The following PEX5L variants were observed in gnomAD, a reference collection of about 807,000 sequenced individuals.
PEX5L encodes peroxisomal biogenesis factor 5 like.
A neutral mutation model predicts 84.0 loss-of-function variants in PEX5L; 30 were observed. That is an observed-to-expected ratio of 0.36 (90% CI 0.27 to 0.48). The LOEUF (loss-of-function observed/expected upper bound fraction) is 0.48, where lower values mean the gene tolerates loss of function less well. Ranked by LOEUF, PEX5L falls within the 20% of genes least tolerant of loss-of-function variation. The pLI, the probability that PEX5L is intolerant of heterozygous loss-of-function variation, is 0.99. For synonymous variants in PEX5L, 270 were observed against 283.1 expected (o/e 0.95, Z 0.46); for missense variants, 533 against 754.6 (o/e 0.71, Z 3.44).
chr3:179,969,993 A>G (rs1311051996), intron 2 of PEX5L, among the ~76,000 whole-genome samples: 1 of 152,148 alleles, frequency 6.6e-6, no homozygotes, highest in Non-Finnish European at 1.5e-5. Flanking sequence ...TGAGAAAAAA[A>G]GAACAATGGC....
rs115721724 is a variant in PEX5L, at chr3:179,853,732, G to T, written c.822+5330C>A. Among the ~76,000 whole-genome samples the T allele has an allele frequency of 1.6e-3, 249 of 151,790 alleles. 1 individual carries two copies. Among genetic ancestry groups the T allele is most frequent in the African/African-American group, 5.6e-3 (233 of 41,284 alleles). ...TTGTCCTAAAATTACAATACTTTAG[G>T]TAGAGACAATTTTTCTTTTCTCTTC... On this transcript the variant is annotated intron_variant, in intron 8 of 14. Transcript: ENST00000467460.
chr3:179,944,011 A>G (rs965832327), intron 2 of PEX5L, among the ~76,000 whole-genome samples: 2 of 144,402 alleles, frequency 1.4e-5, no homozygotes, highest in Non-Finnish European at 3.0e-5. Context: ...CCCCCCCCCA[A>G]AAAACTGAAA....
chr3:179,917,173 C>T (rs966798542), intron 2 of PEX5L, among the ~76,000 whole-genome samples: 1 of 152,006 alleles, frequency 6.6e-6, no homozygotes, highest in African/African-American at 2.4e-5. Context: ...TAGGCCTACA[C>T]AGGGTCAGGA....
intron 2 of PEX5L, among the ~76,000 whole-genome samples, chr3:179,918,142 A>G (rs1177699987): frequency 6.6e-6 from 1 of 152,144 alleles, no homozygotes; most frequent in African/African-American, 2.4e-5. Flanking sequence ...GCTTTTAACT[A>G]CTATGTTTTA....
intron 2 of PEX5L, among the ~76,000 whole-genome samples, chr3:179,917,214 T>A (rs943656331): frequency 5.3e-5 from 8 of 152,106 alleles, no homozygotes; most frequent in Admixed American, 5.2e-4. Flanking sequence ...CACCTCCACA[T>A]CTTGTCCCAC....
At chr3:180,009,340 A>G (rs1789212026) in intron 1 of PEX5L, among the ~76,000 whole-genome samples, 1 of 152,184 alleles carries the variant, frequency 6.6e-6, no homozygotes, top group African/African-American at 2.4e-5. Context: ...AGAGTAATTA[A>G]TTACTTTATC....
chr3:180,019,789 A>G (rs1409983709), intron 1 of PEX5L, among the ~76,000 whole-genome samples: 1 of 152,218 alleles, frequency 6.6e-6, no homozygotes, highest in East Asian at 1.9e-4. Context: ...AGAATTTTAA[A>G]TGATGGGAAG....
chr3:179,849,067 G>A (rs888556003), intron 8 of PEX5L, among the ~76,000 whole-genome samples: 4 of 152,174 alleles, frequency 2.6e-5, no homozygotes, highest in African/African-American at 4.8e-5. Flanking sequence ...TATTGCACAC[G>A]AAAGAAATAA....
In PEX5L at chr3:179,840,183, G is replaced by GTTTTT. The variant is rs71182521; in HGVS notation, c.822+18874_822+18878dup. Reference sequence around the variant, plus strand: ...TTTTTGTGTGTGTGTGTGTGTGTGTGTTTTTTTTTTTTTTTTTTTTTTGAG... The same window carrying GTTTTT: ...TTTTTGTGTGTGTGTGTGTGTGTGTGTTTTTTTTTTTTTTTTTTTTTTTTTTTGAG... On this transcript the variant is annotated intron_variant, in intron 8 of 14. Transcript: ENST00000467460. Among the ~76,000 whole-genome samples the GTTTTT allele has an allele frequency of 9.3e-4, 73 of 78,718 alleles. 1 individual carries two copies. Among genetic ancestry groups the GTTTTT allele is most frequent in the Middle Eastern group, 0.016 (2 of 126 alleles). The allele number at this position is 78,718 out of a possible 152,430, so 51.6% of individuals were successfully genotyped here.
At chr3:180,007,099 T>C (rs1788970747) in intron 1 of PEX5L, among the ~76,000 whole-genome samples, 1 of 152,206 alleles carries the variant, frequency 6.6e-6, no homozygotes, top group African/African-American at 2.4e-5. Flanking sequence ...CCTATGAGCC[T>C]GTAAAATAGA....
intron 10 of PEX5L, among the ~76,000 whole-genome samples, chr3:179,812,748 CCT>C: frequency 6.6e-6 from 1 of 151,650 alleles, no homozygotes; most frequent in East Asian, 2.0e-4. Flanking sequence ...CAAGCAGAAA[CCT>C]CTCATTACAC....
intron 7 of PEX5L, among the ~76,000 whole-genome samples, chr3:179,868,880 C>G (rs750364499): frequency 1.3e-4 from 19 of 151,400 alleles, no homozygotes; most frequent in Non-Finnish European, 2.2e-4. Context: ...CTGTACCTCA[C>G]TGGGGGGTTG....
chr3:179,875,399 T>C lies in PEX5L; in HGVS notation c.584A>G (p.Glu195Gly). 6.2e-7 allele frequency: 1 copy of C among 1,613,606 alleles called. No homozygotes were observed. The highest frequency in any genetic ancestry group is 8.5e-7 in the Non-Finnish European group (1 of 1,179,524). Residue 195 changes from glutamate to glycine, a missense_variant, in exon 6 of 15, where the codon GAG (glutamate) becomes GGG (glycine). Physicochemically the swap from Glu to Gly is moderately conservative, Grantham distance 98. Coordinates refer to ENST00000467460, the MANE Select transcript of PEX5L (RefSeq NM_016559.3). Reference sequence around the variant, plus strand: ...AGTTCTAGATGAGGATGATTTTCTCTCTGCCATTGGATGTCCCTTGGTATT... The same window carrying C: ...AGTTCTAGATGAGGATGATTTTCTCCCTGCCATTGGATGTCCCTTGGTATT... ...DRNTKGHPMA[E>G]RKSSSSRTGS...
chr3:179,884,013 T>C (rs928823925), intron 4 of PEX5L, among the ~76,000 whole-genome samples: 7 of 152,188 alleles, frequency 4.6e-5, no homozygotes, highest in Admixed American at 3.3e-4. Flanking sequence ...TTATTGAAAA[T>C]ATACAATATG....
intron 3 of PEX5L, among the ~76,000 whole-genome samples, chr3:179,891,629 G>T (rs887376431): frequency 6.6e-6 from 1 of 152,118 alleles, no homozygotes; most frequent in Non-Finnish European, 1.5e-5. Flanking sequence ...TATTAAATGA[G>T]GAAGTGACTT....
In PEX5L at chr3:179,875,407, TG is replaced by T; in HGVS notation, c.575del (p.Pro192GlnfsTer29). The T allele has an allele frequency of 1.2e-6, 2 of 1,613,204 alleles. No individual in the cohort carries two copies. The highest frequency in any genetic ancestry group is 1.7e-6 in the Non-Finnish European group (2 of 1,179,176). On this transcript the variant is annotated frameshift_variant, in exon 6 of 15. Coordinates refer to ENST00000467460, the MANE Select transcript of PEX5L (RefSeq NM_016559.3). LOFTEE classifies it high-confidence loss of function. ...FHGDRNTKGH[P>X]MAERKSSSSR... ...ATGAGGATGATTTTCTCTCTGCCAT[TG>T]GATGTCCCTTGGTATTTCGATCTCC... is the stretch of plus-strand genomic sequence containing the variant.
At chr3:179,916,932 A>C (rs556189761) in intron 2 of PEX5L, among the ~76,000 whole-genome samples, 1 of 152,070 alleles carries the variant, frequency 6.6e-6, no homozygotes, top group Admixed American at 6.6e-5. Flanking sequence ...GGCCTCCTAA[A>C]GTGCTGGGAT....
rs73885960 is a variant in PEX5L at position 179,861,234 on chromosome 3, G to C, written c.727-2077C>G. Among the ~76,000 whole-genome samples the C allele has an allele frequency of 4.6e-3, 707 of 152,338 alleles. 3 individuals are homozygous for C. Among genetic ancestry groups the C allele is most frequent in the African/African-American group, 0.016 (677 of 41,566 alleles). On this transcript the variant is annotated intron_variant, in intron 7 of 14. Transcript: ENST00000467460. Reference sequence around the variant, plus strand: ...GTTGAAAATACGCTGTCAATGAATAGATGCGTGAATGAATTAAAGATATTT... The same window carrying C: ...GTTGAAAATACGCTGTCAATGAATACATGCGTGAATGAATTAAAGATATTT...
intron 4 of PEX5L, among the ~76,000 whole-genome samples, chr3:179,885,052 C>G (rs544554340): frequency 6.6e-6 from 1 of 151,774 alleles, no homozygotes; most frequent in Non-Finnish European, 1.5e-5. Context: ...TTGAGATATA[C>G]GCTTAATATT....
Sources: allele counts gnomAD v4.1 joint callset (sites outside exome capture counted in the v4.1 genomes callset), GRCh38; gene constraint gnomAD v4.1.1; transcripts MANE v1.5; gene names NCBI Gene and HGNC (gene_info 2026-07-23, HGNC 2026-07-21).